The following VAV2 variants were observed in gnomAD, a reference collection of about 807,000 sequenced individuals.
The protein encoded by VAV2 is vav guanine nucleotide exchange factor 2, also known as guanine nucleotide exchange factor VAV2.
VAV2 carries 67 observed loss-of-function variants against 132.5 expected under a neutral mutation model. The ratio of observed to expected loss-of-function variants is 0.51; its 90% confidence interval spans 0.42 to 0.62. VAV2 has a LOEUF of 0.62. VAV2 is among the 20% of genes least tolerant of loss of function. VAV2 has a pLI of 0.00. For missense variants in VAV2, 938 were observed against 1,153.6 expected (o/e 0.81, Z 2.71); for synonymous variants, 492 against 443.5 (o/e 1.11, Z -1.37).
At chr9:133,976,040 A>AG (rs1220381680) in intron 1 of VAV2, among the ~76,000 whole-genome samples, 1 of 119,370 alleles carries the variant, frequency 8.4e-6, no homozygotes, top group African/African-American at 2.9e-5. Context: ...TACTAAAAAA[A>AG]AAAAGAAAAT....
chr9:133,827,188 G>T lies in VAV2; in HGVS notation c.449+7084C>A, dbSNP rs897274214. On this transcript the variant is annotated intron_variant, in intron 4 of 29. Coordinates refer to ENST00000371850, the MANE Select transcript of VAV2 (RefSeq NM_001134398.2). The stretch of plus-strand genomic sequence containing the variant: ...TGCCACCTACCGCTGCGCCCACTGG[G>T]GCTGACCACTGAGCATGGGCATCGC... 2.0e-5 allele frequency among the ~76,000 whole-genome samples: 3 copies of T among 150,622 alleles called. 1 individual carries two copies. The highest frequency in any genetic ancestry group is 3.0e-5 in the Non-Finnish European group (2 of 67,720).
intron 9 of VAV2, among the ~76,000 whole-genome samples, chr9:133,798,292 C>T (rs1054227003): frequency 2.6e-5 from 4 of 152,210 alleles, no homozygotes; most frequent in African/African-American, 9.7e-5. Flanking sequence ...ACCCTTGTTG[C>T]TTCCACATGG....
chr9:133,946,396 G>C (rs537419780), intron 1 of VAV2, among the ~76,000 whole-genome samples: 1 of 152,228 alleles, frequency 6.6e-6, no homozygotes, highest in Admixed American at 6.5e-5. Flanking sequence ...AAGCAACAGG[G>C]CACCACAGCT....
intron 2 of VAV2, among the ~76,000 whole-genome samples, chr9:133,892,999 G>A (rs994337053): frequency 1.3e-5 from 2 of 152,200 alleles, no homozygotes; most frequent in African/African-American, 4.8e-5. Flanking sequence ...CTTCCTGGTC[G>A]TGAGGAGCAG....
chr9:133,982,398 C>G (rs1842724679), intron 1 of VAV2, among the ~76,000 whole-genome samples: 1 of 151,492 alleles, frequency 6.6e-6, no homozygotes, highest in Admixed American at 6.6e-5. Context: ...CACGGCCAAC[C>G]AGGCTGGCAG....
chr9:133,824,263 C>G lies in VAV2; in HGVS notation c.449+10009G>C, dbSNP rs1018530123. ...TCCCACAGCCACCTCCCGACGGGGACTGGGCTTGTCTAGACCACAGGAGCG... is the reference window on the plus strand; with the variant it reads ...TCCCACAGCCACCTCCCGACGGGGAGTGGGCTTGTCTAGACCACAGGAGCG... On this transcript the variant is annotated intron_variant, in intron 4 of 29. Coordinates refer to ENST00000371850, the MANE Select transcript of VAV2 (RefSeq NM_001134398.2). This position sits in a 1 kb window ranked among gnomAD's most constrained non-coding sequence, Gnocchi z 5.2. Among the ~76,000 whole-genome samples, 1 of 152,168 alleles carries G rather than the reference C, an allele frequency of 6.6e-6. No individual in the cohort carries two copies. Among genetic ancestry groups the G allele is most frequent in the African/African-American group, 2.4e-5 (1 of 41,444 alleles).
At chr9:133,869,312 C>A (rs1011605635) in intron 2 of VAV2, among the ~76,000 whole-genome samples, 1 of 152,004 alleles carries the variant, frequency 6.6e-6, no homozygotes, top group Admixed American at 6.6e-5. Context: ...ACGACAACAA[C>A]AAAGTCTTTA....
chr9:133,904,160 T>C (rs1564452369), intron 2 of VAV2, among the ~76,000 whole-genome samples: 1 of 152,172 alleles, frequency 6.6e-6, no homozygotes, highest in Non-Finnish European at 1.5e-5. Flanking sequence ...GCCCGTGTCC[T>C]GGTGGGCCGG....
intron 19 of VAV2, among the ~76,000 whole-genome samples, chr9:133,782,200 G>C (rs1047382428): frequency 6.6e-6 from 1 of 152,092 alleles, no homozygotes; most frequent in Non-Finnish European, 1.5e-5. Context: ...GTAAGTTCAC[G>C]GGTGATACTT....
intron 12 of VAV2, among the ~76,000 whole-genome samples, chr9:133,793,277 A>G (rs963626426): frequency 9.2e-5 from 14 of 151,936 alleles, no homozygotes; most frequent in Admixed American, 8.5e-4. Flanking sequence ...CTGCCCCCCG[A>G]GAGCAGCGGG....
At chr9:133,859,628 AC>A (rs1392072327) in intron 3 of VAV2, among the ~76,000 whole-genome samples, 12 of 152,020 alleles carry the variant, frequency 7.9e-5, no homozygotes, top group Non-Finnish European at 1.6e-4. Context: ...TGTAAAAAAA[AC>A]AAAACAAAAC....
At chr9:133,841,121 G>T (rs1164917317) in intron 3 of VAV2, among the ~76,000 whole-genome samples, 1 of 152,272 alleles carries the variant, frequency 6.6e-6, no homozygotes, top group Middle Eastern at 3.4e-3. Flanking sequence ...CAGGTGCCTG[G>T]GTTCTAGGGG....
chr9:133,868,759 TC>T (rs1564420530), intron 2 of VAV2, among the ~76,000 whole-genome samples: 4 of 152,184 alleles, frequency 2.6e-5, no homozygotes, highest in Non-Finnish European at 5.9e-5. Flanking sequence ...CCCCACAGCT[TC>T]CCCTGCTACT....
chr9:133,783,607 C>G lies in VAV2; in HGVS notation c.1635-16G>C. 1 of 1,613,628 alleles carries G rather than the reference C, an allele frequency of 6.2e-7. No individual in the cohort carries two copies. The highest frequency in any genetic ancestry group is 8.5e-7 in the Non-Finnish European group (1 of 1,179,754). ...GAAGGTGCCCCTGCACAGGGGAGGG[C>G]AGGAGGTGAGGTCGAGGCTGGGGTC... On this transcript the variant is annotated splice_polypyrimidine_tract_variant and intron_variant, in intron 18 of 29. Transcript: ENST00000371850.
intron 1 of VAV2, among the ~76,000 whole-genome samples, chr9:133,946,155 T>C (rs1841351393): frequency 1.3e-5 from 2 of 152,216 alleles, no homozygotes; most frequent in South Asian, 2.1e-4. Context: ...TTCATCACCA[T>C]GGTCCCACCC....
Position 133,768,686 on chromosome 9 carries a change from C to G in VAV2, c.2435-90G>C. ...CCTTGGGCCAAGCTGGGTCTCTCCC[C>G]TGGTGCCCAGAACCCTGCTCTGTAC... is the stretch of plus-strand genomic sequence containing the variant. On this transcript the variant is annotated intron_variant, in intron 28 of 29. Transcript: ENST00000371850. The surrounding 1 kb of genome is among the most constrained non-coding windows in gnomAD (Gnocchi z 5.3). 2 of 1,489,666 alleles carry G rather than the reference C, an allele frequency of 1.3e-6. No homozygotes were observed. The highest frequency in any genetic ancestry group is 1.8e-6 in the Non-Finnish European group (2 of 1,112,570). The allele number at this position is 1,489,666 out of a possible 1,614,324, so 92.3% of individuals were successfully genotyped here.
chr9:133,923,300 T>C (rs1840360600), intron 2 of VAV2, among the ~76,000 whole-genome samples: 1 of 152,100 alleles, frequency 6.6e-6, no homozygotes, highest in South Asian at 2.1e-4. Flanking sequence ...AAATTAGACA[T>C]AGAACTACTA....
chr9:133,901,664 CG>C (rs566703046), intron 2 of VAV2, among the ~76,000 whole-genome samples: 206 of 152,340 alleles, frequency 1.4e-3, no homozygotes, highest in African/African-American at 4.7e-3. Context: ...CCTGCCGGCC[CG>C]GCCTGGTGAC....
chr9:133,992,114 G>T lies in VAV2; in HGVS notation c.165C>A (p.Ile55=). Residue 55 remains isoleucine (I), a synonymous_variant, in exon 1 of 30, where the codon ATC becomes ATA. Coordinates refer to ENST00000371850, the MANE Select transcript of VAV2 (RefSeq NM_001134398.2). This position sits in a 1 kb window ranked among gnomAD's most constrained non-coding sequence, Gnocchi z 5.5. ...GCCGGAAGTTGATGTCCTTGAGGTC[G>T]ATGGAGCCGGGGGAGAGGTTGTGCA... is the stretch of plus-strand genomic sequence containing the variant. ...QLLHNLSPGS[I]DLKDINFRPQ... 6.3e-7 allele frequency: 1 copy of T among 1,591,212 alleles called. No individual in the cohort carries two copies. Among genetic ancestry groups the T allele is most frequent in the Non-Finnish European group, 8.5e-7 (1 of 1,169,802 alleles).
Sources: gnomAD v4.1 joint callset for allele counts (sites outside exome capture counted in the v4.1 genomes callset) on GRCh38, gnomAD v4.1.1 for gene constraint, Gnocchi (gnomAD v3.1) non-coding constraint, MANE v1.5 for transcripts, NCBI Gene and HGNC (gene_info 2026-07-23, HGNC 2026-07-21) for gene names.